Variants in PODXL observed in about 807,000 individuals in gnomAD.
The protein encoded by PODXL is podocalyxin.
A neutral mutation model predicts 48.9 loss-of-function variants in PODXL; 20 were observed. The ratio of observed to expected loss-of-function variants is 0.41; its 90% CI spans 0.29 to 0.59. PODXL has a LOEUF of 0.59. Ranked by LOEUF, PODXL falls within the 20% of genes least tolerant of loss-of-function variation. The pLI is 0.31. For missense variants in PODXL, 606 were observed against 675.1 expected (o/e 0.90, Z 1.13); for synonymous variants, 295 against 287.4 (o/e 1.03, Z -0.27).
At chr7:131,554,905 T>TC (rs1798719863) in intron 1 of PODXL, among the ~76,000 whole-genome samples, 1 of 152,166 alleles carries the variant, frequency 6.6e-6, no homozygotes, top group South Asian at 2.1e-4. Context: ...GTGTGGCTCT[T>TC]CAGTGATTGC....
At chr7:131,552,391 G>C (rs1461050716) in intron 1 of PODXL, among the ~76,000 whole-genome samples, 1 of 152,156 alleles carries the variant, frequency 6.6e-6, no homozygotes, top group Non-Finnish European at 1.5e-5. Context: ...TCCCTGCAAG[G>C]GGGGGAATTC....
chr7:131,539,295 T>C (rs1416957743), intron 1 of PODXL, among the ~76,000 whole-genome samples: 2 of 152,236 alleles, frequency 1.3e-5, no homozygotes, highest in Non-Finnish European at 2.9e-5. Context: ...GGGAGACATA[T>C]CTATCTTGGA....
At chr7:131,555,825 C>T (rs1038549079) in intron 1 of PODXL, among the ~76,000 whole-genome samples, 6 of 152,238 alleles carry the variant, frequency 3.9e-5, no homozygotes, top group African/African-American at 1.4e-4. Flanking sequence ...TCCTCGGGAG[C>T]CTCTCGCCTG....
In PODXL at chr7:131,526,507, G is replaced by GAA. The variant is rs35150183; in HGVS notation, c.101-15076_101-15075dup. On this transcript the variant is annotated intron_variant, in intron 1 of 8. Coordinates refer to ENST00000378555, the MANE Select transcript of PODXL (RefSeq NM_001018111.3). ...AAAAAAATTAAACATGCATTTTACA[G>GAA]AAAAAAAAAAAGCACAGCCTAAGAA... 4.9e-3 allele frequency among the ~76,000 whole-genome samples: 704 copies of GAA among 144,924 alleles called. 5 individuals are homozygous for GAA. The highest frequency in any genetic ancestry group is 0.014 in the Middle Eastern group (4 of 280).
intron 1 of PODXL, among the ~76,000 whole-genome samples, chr7:131,521,786 A>G (rs1390308756): frequency 6.6e-6 from 1 of 152,196 alleles, no homozygotes; most frequent in African/African-American, 2.4e-5. Context: ...GCCTTGAAAA[A>G]GCAAACCCTT....
Position 131,513,494 on chromosome 7 carries a change from C to T in PODXL, c.101-2061G>A, listed in dbSNP as rs541265139. Among the ~76,000 whole-genome samples the T allele has an allele frequency of 4.0e-4, 61 of 152,326 alleles. 4 individuals are homozygous for T. The South Asian group carries it at 0.011, about 28-fold the overall frequency. ...CTCTATATTTGGGAGTTCCGCACCCCGTGAGACTTGATGGCAGCAGAATCT... is the reference window on the plus strand; with the variant it reads ...CTCTATATTTGGGAGTTCCGCACCCTGTGAGACTTGATGGCAGCAGAATCT... On this transcript the variant is annotated intron_variant, in intron 1 of 8. Coordinates refer to ENST00000378555, the MANE Select transcript of PODXL (RefSeq NM_001018111.3).
chr7:131,543,018 G>T (rs953670081), intron 1 of PODXL, among the ~76,000 whole-genome samples: 1 of 152,168 alleles, frequency 6.6e-6, no homozygotes, highest in African/African-American at 2.4e-5. Flanking sequence ...CTGAGTTCAC[G>T]GTGCTCTGTG....
chr7:131,534,175 C>T lies in PODXL; in HGVS notation c.100+22085G>A, dbSNP rs929996471. On this transcript the variant is annotated intron_variant, in intron 1 of 8. Coordinates refer to ENST00000378555, the MANE Select transcript of PODXL (RefSeq NM_001018111.3). ...AGGTGAGAGTGGGTGCAGGTCTGCC[C>T]AGACCCATGTGGCTCTTCCTTCTCA... 8.5e-5 allele frequency among the ~76,000 whole-genome samples: 13 copies of T among 152,292 alleles called. No individual in the cohort carries two copies. In the East Asian group the frequency reaches 1.2e-3, roughly 14 times the overall value.
chr7:131,555,476 TA>T (rs755464134), intron 1 of PODXL, among the ~76,000 whole-genome samples: 2 of 152,130 alleles, frequency 1.3e-5, no homozygotes, highest in Non-Finnish European at 2.9e-5. Context: ...GAGAGACAGG[TA>T]CATTTTCTAA....
chr7:131,523,032 T>C (rs1798113740), intron 1 of PODXL, among the ~76,000 whole-genome samples: 1 of 152,236 alleles, frequency 6.6e-6, no homozygotes, highest in South Asian at 2.1e-4. Context: ...CAATTTCCCT[T>C]GGGTACATAC....
intron 1 of PODXL, among the ~76,000 whole-genome samples, chr7:131,522,052 G>T (rs958507045): frequency 6.6e-6 from 1 of 152,204 alleles, no homozygotes; most frequent in Non-Finnish European, 1.5e-5. Context: ...AGTGAAGGCC[G>T]CACCCTCAAG....
chr7:131,502,249 A>G lies in PODXL; in HGVS notation c.*2062T>C, dbSNP rs1166969614. The stretch of plus-strand genomic sequence containing the variant: ...CCAGCGCTGGGCAAGAAGGAAGCAA[A>G]CACCTCACTCAAGCCTAACAAGATT... On this transcript the variant is annotated 3_prime_UTR_variant, in exon 9 of 9. Transcript: ENST00000378555. 6.6e-6 allele frequency: 1 copy of G among 152,222 alleles called. No individual in the cohort carries two copies. The highest frequency in any genetic ancestry group is 1.5e-5 in the Non-Finnish European group (1 of 68,108). The allele number at this position is 152,222 out of a possible 1,614,324, so 9.4% of individuals were successfully genotyped here.
intron 1 of PODXL, among the ~76,000 whole-genome samples, chr7:131,547,476 C>A (rs1245931007): frequency 6.6e-6 from 1 of 151,004 alleles, no homozygotes; most frequent in Non-Finnish European, 1.5e-5. Flanking sequence ...TGGAGGAGGG[C>A]ACAATACCTA....
chr7:131,525,872 C>T (rs958254998), intron 1 of PODXL, among the ~76,000 whole-genome samples: 3 of 152,058 alleles, frequency 2.0e-5, no homozygotes, highest in African/African-American at 4.8e-5. Context: ...AATAAGTAAA[C>T]GGGTGGGGAG....
chr7:131,520,386 T>A, intron 1 of PODXL: 1 of 409,880 alleles, frequency 2.4e-6, no homozygotes. Flanking sequence ...TACCTATCCC[T>A]GTGCGGTTGT....
intron 1 of PODXL, 73 bp from the exon 2 acceptor site, chr7:131,511,506 C>T: frequency 1.3e-6 from 2 of 1,520,048 alleles, no homozygotes; most frequent in Non-Finnish European, 1.8e-6. Context: ...AGCTCTTCCC[C>T]AGGATTCAGA....
intron 1 of PODXL, among the ~76,000 whole-genome samples, chr7:131,536,797 A>T (rs1175027102): frequency 6.6e-6 from 1 of 152,146 alleles, no homozygotes. Flanking sequence ...TATCATTTTA[A>T]AAAATGTTTC....
intron 1 of PODXL, among the ~76,000 whole-genome samples, chr7:131,536,308 G>A (rs922158116): frequency 6.6e-6 from 1 of 152,252 alleles, no homozygotes; most frequent in Non-Finnish European, 1.5e-5. Flanking sequence ...CAGGGGAGAT[G>A]TATGGCATGA....
At chr7:131,533,554 C>G (rs1341729019) in intron 1 of PODXL, among the ~76,000 whole-genome samples, 11 of 152,194 alleles carry the variant, frequency 7.2e-5, no homozygotes, top group Non-Finnish European at 1.6e-4. Flanking sequence ...TGGGGAAGGG[C>G]AGCCTTCGCT....
Sources: gnomAD v4.1 joint callset for allele counts (sites outside exome capture counted in the v4.1 genomes callset) on GRCh38, gnomAD v4.1.1 for gene constraint, MANE v1.5 for transcripts, NCBI Gene and HGNC (gene_info 2026-07-23, HGNC 2026-07-21) for gene names.